Variants in TRAPPC9 observed in about 807,000 individuals in gnomAD.
TRAPPC9 encodes the protein IKK2 binding protein.
In TRAPPC9, 83 loss-of-function variants were observed where a neutral mutation model predicts 124.0. The observed-to-expected ratio is 0.67, with a 90% CI of 0.56 to 0.80. TRAPPC9 has a LOEUF of 0.80. Ranked by LOEUF, TRAPPC9 falls within the 30% of genes least tolerant of loss-of-function variation. The pLI is 0.00. For synonymous variants in TRAPPC9, 638 were observed against 617.5 expected (o/e 1.03, Z -0.49); for missense variants, 1,302 against 1,508.3 (o/e 0.86, Z 2.27).
intron 7 of TRAPPC9, among the ~76,000 whole-genome samples, chr8:140,378,510 A>G (rs954487542): frequency 2.6e-5 from 4 of 152,120 alleles, no homozygotes; most frequent in African/African-American, 9.7e-5. Flanking sequence ...CTTGCTCCTC[A>G]GCTTGCAGAC....
rs560022086 is a variant in TRAPPC9 at position 140,185,588 on chromosome 8, C to T, written c.2556+35871G>A. Among the ~76,000 whole-genome samples, 258 of 152,292 alleles carry T rather than the reference C, an allele frequency of 1.7e-3. 1 individual carries two copies. The highest frequency in any genetic ancestry group is 5.8e-3 in the African/African-American group (241 of 41,562). ...ATCACTCCTGCCGTGTCCCACCAGACGGAGAAGACGGAGTTCTGGTCATGC... is the reference window on the plus strand; with the variant it reads ...ATCACTCCTGCCGTGTCCCACCAGATGGAGAAGACGGAGTTCTGGTCATGC... On this transcript the variant is annotated intron_variant, in intron 17 of 22. Transcript: ENST00000438773.
chr8:139,836,282 A>G (rs1826343531), intron 21 of TRAPPC9, among the ~76,000 whole-genome samples: 1 of 152,226 alleles, frequency 6.6e-6, no homozygotes, highest in Non-Finnish European at 1.5e-5. Flanking sequence ...GTGCTGGGTT[A>G]CAGGCGTGAG....
At chr8:140,259,210 C>G (rs1282448169) in intron 15 of TRAPPC9, among the ~76,000 whole-genome samples, 1 of 152,246 alleles carries the variant, frequency 6.6e-6, no homozygotes, top group African/African-American at 2.4e-5. Flanking sequence ...ATGCCCCGCT[C>G]ACTTTCCCAA....
At chr8:140,316,804 G>T (rs1213276555) in intron 9 of TRAPPC9, among the ~76,000 whole-genome samples, 2 of 152,164 alleles carry the variant, frequency 1.3e-5, no homozygotes, top group Non-Finnish European at 2.9e-5. Flanking sequence ...AGAAAAATTG[G>T]TACTAGTTCT....
chr8:140,439,806 T>G (rs1473926880), intron 2 of TRAPPC9, among the ~76,000 whole-genome samples: 1 of 152,184 alleles, frequency 6.6e-6, no homozygotes, highest in Non-Finnish European at 1.5e-5. Context: ...AAGTATTCCT[T>G]TTATCATTTT....
chr8:140,176,849 G>A (rs935749225), intron 17 of TRAPPC9, among the ~76,000 whole-genome samples: 2 of 152,156 alleles, frequency 1.3e-5, no homozygotes, highest in African/African-American at 4.8e-5. Flanking sequence ...TCATTCAAAT[G>A]GATCGCATAA....
chr8:140,065,209 TGA>T (rs1842846381), intron 17 of TRAPPC9, among the ~76,000 whole-genome samples: 2 of 152,122 alleles, frequency 1.3e-5, no homozygotes, highest in South Asian at 4.1e-4. Flanking sequence ...CTATGAAACA[TGA>T]GAGAGATGAA....
intron 21 of TRAPPC9, among the ~76,000 whole-genome samples, chr8:139,873,156 A>G (rs921481580): frequency 6.6e-6 from 1 of 152,006 alleles, no homozygotes; most frequent in African/African-American, 2.4e-5. Flanking sequence ...GGATGCTTGG[A>G]GGATAAAAGT....
rs568845156 is a variant in TRAPPC9 at position 140,405,310 on chromosome 8, T to C, written c.1008+267A>G. On this transcript the variant is annotated intron_variant, in intron 6 of 22. Coordinates refer to ENST00000438773, the MANE Select transcript of TRAPPC9 (RefSeq NM_001160372.4). ...TGATAAAAGAACCAGAAAATAGATATAAAATATTAACAATCATTATCTGTG... is the reference window on the plus strand; with the variant it reads ...TGATAAAAGAACCAGAAAATAGATACAAAATATTAACAATCATTATCTGTG... 165 of 316,478 alleles carry C rather than the reference T, an allele frequency of 5.2e-4. 2 individuals carry two copies. In the South Asian group the frequency reaches 6.1e-3, roughly 12 times the overall value. The allele number at this position is 316,478 out of a possible 1,614,324, so 19.6% of individuals were successfully genotyped here.
intron 17 of TRAPPC9, among the ~76,000 whole-genome samples, chr8:140,159,862 G>T (rs138403347): frequency 2.6e-5 from 4 of 152,126 alleles, no homozygotes; most frequent in African/African-American, 9.7e-5. Context: ...TCCTCACGCC[G>T]CCAGGGAAAA....
chr8:139,758,957 GC>G (rs1309557737), intron 21 of TRAPPC9, among the ~76,000 whole-genome samples: 2 of 152,196 alleles, frequency 1.3e-5, no homozygotes, highest in African/African-American at 4.8e-5. Context: ...GGCAGGGGCA[GC>G]CCTGGCCTCC....
chr8:140,321,848 G>A (rs909464783), intron 9 of TRAPPC9, among the ~76,000 whole-genome samples: 1 of 152,192 alleles, frequency 6.6e-6, no homozygotes, highest in African/African-American at 2.4e-5. Context: ...TAGATGCCTG[G>A]CAGCTGCCAC....
At chr8:140,303,159 A>T (rs931798723) in intron 10 of TRAPPC9, among the ~76,000 whole-genome samples, 1 of 152,328 alleles carries the variant, frequency 6.6e-6, no homozygotes, top group South Asian at 2.1e-4. Context: ...TAAACGTATC[A>T]AAGCAACTCG....
chr8:140,181,707 G>T, intron 17 of TRAPPC9, among the ~76,000 whole-genome samples: 1 of 151,882 alleles, frequency 6.6e-6, no homozygotes, highest in Non-Finnish European at 1.5e-5. Context: ...TATCAAACAG[G>T]GTTCTTTAAA....
chr8:139,815,124 A>G (rs1421826445), intron 21 of TRAPPC9, among the ~76,000 whole-genome samples: 3 of 152,170 alleles, frequency 2.0e-5, no homozygotes, highest in Non-Finnish European at 4.4e-5. Flanking sequence ...TCTGTTTTAG[A>G]CTGCCTTAGA....
intron 17 of TRAPPC9, among the ~76,000 whole-genome samples, chr8:140,066,049 C>G (rs1167632970): frequency 6.6e-6 from 1 of 152,198 alleles, no homozygotes; most frequent in Non-Finnish European, 1.5e-5. Flanking sequence ...TAAGAACATT[C>G]ATGATTCCTG....
intron 8 of TRAPPC9, 75 bp from the exon 9 acceptor site, chr8:140,360,268 A>C: frequency 6.3e-7 from 1 of 1,595,188 alleles, no homozygotes. Flanking sequence ...TAAGTTGTAA[A>C]ACTTGGCAAT....
intron 17 of TRAPPC9, among the ~76,000 whole-genome samples, chr8:140,086,543 C>A (rs1844195162): frequency 6.6e-6 from 1 of 152,198 alleles, no homozygotes; most frequent in Non-Finnish European, 1.5e-5. Context: ...CCAGGCACCC[C>A]ATCCCGTCCT....
intron 7 of TRAPPC9, among the ~76,000 whole-genome samples, chr8:140,383,019 C>G (rs1425345337): frequency 2.0e-5 from 3 of 152,242 alleles, no homozygotes; most frequent in Non-Finnish European, 2.9e-5. Flanking sequence ...ATTAGCTGTT[C>G]TGCAGCCTCC....
Sources: allele counts gnomAD v4.1 joint callset (sites outside exome capture counted in the v4.1 genomes callset), GRCh38; gene constraint gnomAD v4.1.1; transcripts MANE v1.5; gene names NCBI Gene and HGNC (gene_info 2026-07-23, HGNC 2026-07-21).